Variants in BCL9 observed in about 807,000 individuals in gnomAD.
BCL9 encodes the protein B-cell CLL/lymphoma 9 protein.
A neutral mutation model predicts 88.5 loss-of-function variants in BCL9; 25 were observed. The ratio of observed to expected loss-of-function variants is 0.28; its 90% CI spans 0.21 to 0.39. BCL9 has a LOEUF of 0.39. Among genes scored for constraint, BCL9 ranks in the 10% least tolerant of loss-of-function variants. The pLI, the probability that BCL9 is intolerant of heterozygous loss-of-function variation, is 1.00. For synonymous variants in BCL9, 711 were observed against 673.3 expected (o/e 1.06, Z -0.87); for missense variants, 1,817 against 1,877.8 (o/e 0.97, Z 0.60).
At chr1:147,556,064 G>A (rs868936755) in intron 1 of BCL9, among the ~76,000 whole-genome samples, 1 of 152,140 alleles carries the variant, frequency 6.6e-6, no homozygotes, top group African/African-American at 2.4e-5. Context: ...ACTACTAGCA[G>A]TGAGGCTCAG....
chr1:147,550,689 T>C (rs1654855664), intron 1 of BCL9, among the ~76,000 whole-genome samples: 2 of 152,058 alleles, frequency 1.3e-5, no homozygotes, highest in Admixed American at 1.3e-4. Flanking sequence ...TGTGCTTTCT[T>C]CCTGTGCTTT....
chr1:147,580,224 G>A (rs1656307119), intron 1 of BCL9, among the ~76,000 whole-genome samples: 1 of 152,208 alleles, frequency 6.6e-6, no homozygotes, highest in South Asian at 2.1e-4. Context: ...AATCCTGTGT[G>A]CTAGAGAAGC....
intron 1 of BCL9, among the ~76,000 whole-genome samples, chr1:147,566,757 A>G (rs1655618331): frequency 2.4e-3 from 1 of 412 alleles, no homozygotes; most frequent in Non-Finnish European, 5.3e-3. Context: ...ACGCTGTCTC[A>G]AAAAAAAAGA....
intron 1 of BCL9, among the ~76,000 whole-genome samples, chr1:147,575,919 A>G (rs781941533): frequency 1.1e-4 from 16 of 152,144 alleles, no homozygotes; most frequent in Non-Finnish European, 2.2e-4. Flanking sequence ...CAGAATCTGT[A>G]TTTCAGTGAT....
chr1:147,544,167 G>A (rs1291544588), intron 1 of BCL9, among the ~76,000 whole-genome samples: 1 of 152,090 alleles, frequency 6.6e-6, no homozygotes, highest in Non-Finnish European at 1.5e-5. Flanking sequence ...TTAACCACAT[G>A]GTCACACAAA....
intron 1 of BCL9, among the ~76,000 whole-genome samples, chr1:147,602,093 G>T (rs1553201382): frequency 6.6e-6 from 1 of 151,908 alleles, no homozygotes; most frequent in Non-Finnish European, 1.5e-5. Context: ...TAGAGATGGG[G>T]TTTCACCATG....
At chr1:147,555,425 A>G (rs1408792547) in intron 1 of BCL9, among the ~76,000 whole-genome samples, 2 of 152,196 alleles carry the variant, frequency 1.3e-5, no homozygotes, top group African/African-American at 4.8e-5. Context: ...GTTTGCCTTC[A>G]CACCCTGTAT....
chr1:147,613,685 A>G (rs1343366474), intron 5 of BCL9, among the ~76,000 whole-genome samples: 2 of 152,178 alleles, frequency 1.3e-5, no homozygotes, highest in Non-Finnish European at 2.9e-5. Context: ...CCCTGGCAGT[A>G]GTCCAGATTT....
chr1:147,619,541 T>G lies in BCL9; in HGVS notation c.1386T>G (p.Leu462=). The G allele has an allele frequency of 1.2e-6, 2 of 1,614,022 alleles. No homozygotes were observed. The highest frequency in any genetic ancestry group is 1.7e-6 in the Non-Finnish European group (2 of 1,179,990). ...SQSGTIGPDH[L]DHMTPEQIAW... ...CTGGGACCATAGGACCCGACCACCT[T>G]GACCATATGACTCCCGAGCAGATAG... The change falls in exon 8 of 10, where the codon CTT becomes CTG. Residue 462 remains leucine (L), a synonymous_variant. Transcript: ENST00000234739. The surrounding 1 kb of genome is among the most constrained non-coding windows in gnomAD (Gnocchi z 4.1).
intron 1 of BCL9, among the ~76,000 whole-genome samples, chr1:147,570,815 A>C (rs587633711): frequency 6.6e-6 from 1 of 151,728 alleles, no homozygotes; most frequent in East Asian, 1.9e-4. Flanking sequence ...TTGTATTTTC[A>C]GTAGAGATGG....
intron 1 of BCL9, among the ~76,000 whole-genome samples, chr1:147,562,399 T>C (rs78876149): frequency 0.014 from 2,123 of 152,242 alleles, 57 homozygotes; most frequent in African/African-American, 0.049. Context: ...AGAATTACAA[T>C]TTCATTTCTT....
intron 1 of BCL9, chr1:147,600,267 G>C (rs1459257097): frequency 6.4e-6 from 1 of 156,518 alleles, no homozygotes; most frequent in Non-Finnish European, 1.4e-5. Flanking sequence ...GCGGGGCTGA[G>C]AGCCGCCCCG....
chr1:147,606,848 C>T lies in BCL9; in HGVS notation c.-278C>T, dbSNP rs144180366. 206 of 152,678 alleles carry T rather than the reference C, an allele frequency of 1.3e-3. 1 individual carries two copies. The highest frequency in any genetic ancestry group is 1.3e-3 in the Non-Finnish European group (90 of 68,028). 9.5% of individuals were successfully genotyped at this position (152,678 alleles called of 1,614,324 possible). A position where few individuals can be genotyped will look rare whatever the true frequency, so the allele number is the denominator to read the frequency against. Reference sequence around the variant, plus strand: ...ACCTCCAGGATGAGCACTGCAGTGTCGTGACCCTTGGGGTTTTGGTGAGTA... The same window carrying T: ...ACCTCCAGGATGAGCACTGCAGTGTTGTGACCCTTGGGGTTTTGGTGAGTA... On this transcript the variant is annotated 5_prime_UTR_variant, in exon 3 of 10. Coordinates refer to ENST00000234739, the MANE Select transcript of BCL9 (RefSeq NM_004326.4).
chr1:147,602,377 A>G (rs1265730988), intron 1 of BCL9, among the ~76,000 whole-genome samples: 1 of 151,404 alleles, frequency 6.6e-6, no homozygotes, highest in Non-Finnish European at 1.5e-5. Context: ...ATGCCCAGCT[A>G]ATTTTTGTAT....
In BCL9 at chr1:147,619,531, C is replaced by G. The variant is rs782715277; in HGVS notation, c.1376C>G (p.Pro459Arg). 5.0e-6 allele frequency: 8 copies of G among 1,613,892 alleles called. No homozygotes were observed. In the Admixed American group the frequency reaches 1.3e-4, roughly 27 times the overall value. ...AACTCCCAGTCTGGGACCATAGGACCCGACCACCTTGACCATATGACTCCC... is the reference window on the plus strand; with the variant it reads ...AACTCCCAGTCTGGGACCATAGGACGCGACCACCTTGACCATATGACTCCC... ...SMNSQSGTIG[P>R]DHLDHMTPEQ... Residue 459 changes from proline to arginine, a missense_variant, in exon 8 of 10, where the codon CCC becomes CGC. Physicochemically the swap from Pro to Arg is moderately radical, Grantham distance 103. Around this residue, in one of 2 missense-constraint regions of BCL9, gnomAD observed 1,228 missense variants for 1,191.6 expected, o/e 1.03. Transcript: ENST00000234739. This position sits in a 1 kb window ranked among gnomAD's most constrained non-coding sequence, Gnocchi z 4.1.
In BCL9 at chr1:147,624,580, A is replaced by C; in HGVS notation, c.3902A>C (p.Asp1301Ala). Reference sequence around the variant, plus strand: ...GGTCCAGGGCCAGTGGGAACTCCGGACATCCCTCTTGGTACAGCTCCATCC... The same window carrying C: ...GGTCCAGGGCCAGTGGGAACTCCGGCCATCCCTCTTGGTACAGCTCCATCC... ...MGGPGPVGTP[D>A]IPLGTAPSMP... Residue 1301 changes from aspartate (D) to alanine (A), a missense_variant, in exon 10 of 10, where the codon GAC (aspartate) becomes GCC (alanine). Transcript: ENST00000234739. This position sits in a 1 kb window ranked among gnomAD's most constrained non-coding sequence, Gnocchi z 4.4. 1 of 1,614,130 alleles carries C rather than the reference A, an allele frequency of 6.2e-7. No homozygotes were observed. The highest frequency in any genetic ancestry group is 8.5e-7 in the Non-Finnish European group (1 of 1,180,030).
chr1:147,589,078 T>C (rs1354760700), intron 1 of BCL9, among the ~76,000 whole-genome samples: 1 of 152,194 alleles, frequency 6.6e-6, no homozygotes, highest in Admixed American at 6.5e-5. Flanking sequence ...AGCACCATAT[T>C]AGCCCAGGCA....
intron 1 of BCL9, among the ~76,000 whole-genome samples, chr1:147,572,267 A>ACAAAAG (rs1655921322): frequency 1.3e-5 from 2 of 151,548 alleles, no homozygotes; most frequent in Admixed American, 1.3e-4. Flanking sequence ...AAAAACAAAA[A>ACAAAAG]CAAAACAAAA....
At chr1:147,586,497 C>CT (rs1319813984) in intron 1 of BCL9, among the ~76,000 whole-genome samples, 1 of 152,156 alleles carries the variant, frequency 6.6e-6, no homozygotes, top group Admixed American at 6.5e-5. Context: ...GGTCACCTTC[C>CT]TTTTTGGCCT....
Sources: allele counts gnomAD v4.1 joint callset (sites outside exome capture counted in the v4.1 genomes callset), GRCh38; gene constraint gnomAD v4.1.1; regional missense constraint gnomAD v4.1.1; non-coding constraint Gnocchi (gnomAD v3.1); transcripts MANE v1.5; gene names NCBI Gene and HGNC (gene_info 2026-07-23, HGNC 2026-07-21).